ARHGEF11: variants seen among roughly 807,000 people sequenced by gnomAD.
ARHGEF11 encodes Rho guanine exchange factor (GEF) 11.
ARHGEF11 carries 55 observed loss-of-function variants against 193.7 expected under a neutral mutation model. The observed-to-expected ratio is 0.28, with a 90% CI of 0.23 to 0.36. The LOEUF (loss-of-function observed/expected upper bound fraction) is 0.36. Ranked by LOEUF, ARHGEF11 falls within the 10% of genes least tolerant of loss-of-function variation. The probability of loss-of-function intolerance (pLI) is 1.00; values close to 1 mark genes in which losing one functional copy is unlikely to be tolerated. For synonymous variants in ARHGEF11, 693 were observed against 768.0 expected (o/e 0.90, Z 1.62); for missense variants, 1,723 against 2,005.6 (o/e 0.86, Z 2.69).
intron 1 of ARHGEF11, 98 bp from the exon 2 acceptor site, chr1:156,986,271 A>G: frequency 3.9e-6 from 4 of 1,014,572 alleles, no homozygotes; most frequent in Non-Finnish European, 5.9e-6. Flanking sequence ...TGAGTCTTGG[A>G]TAATGAGAGA....
chr1:157,007,158 T>C (rs747203831), intron 1 of ARHGEF11, among the ~76,000 whole-genome samples: 1 of 151,794 alleles, frequency 6.6e-6, no homozygotes, highest in Admixed American at 6.6e-5. Flanking sequence ...ACAGGAGAGT[T>C]AGAGATAGAA....
chr1:156,968,616 T>C (rs1376654333), intron 10 of ARHGEF11, among the ~76,000 whole-genome samples: 1 of 152,224 alleles, frequency 6.6e-6, no homozygotes, highest in Non-Finnish European at 1.5e-5. Flanking sequence ...AAAATTCCAA[T>C]TGTGATCTAA....
chr1:156,969,715 C>G (rs1662250684), intron 9 of ARHGEF11, among the ~76,000 whole-genome samples: 1 of 152,206 alleles, frequency 6.6e-6, no homozygotes, highest in Non-Finnish European at 1.5e-5. Context: ...TGCTGAATTC[C>G]TTAGTGCCAG....
At chr1:156,984,236 T>C (rs1416126702) in intron 3 of ARHGEF11, 103 bp downstream of exon 3, 1 of 932,336 alleles carries the variant, frequency 1.1e-6, no homozygotes, top group Non-Finnish European at 1.6e-6. Context: ...TCTAGAGTAA[T>C]TCATTCATGC....
chr1:156,936,548 T>C (rs1471546431), intron 40 of ARHGEF11, among the ~76,000 whole-genome samples: 1 of 126,594 alleles, frequency 7.9e-6, no homozygotes, highest in African/African-American at 3.0e-5. Flanking sequence ...AGAACAAGTC[T>C]TAGAGGTGAG....
chr1:156,991,707 CTTATT>C lies in ARHGEF11; in HGVS notation c.33-5539_33-5535del, dbSNP rs1236476183. Among the ~76,000 whole-genome samples, 77 of 107,504 alleles carry C rather than the reference CTTATT, an allele frequency of 7.2e-4. 4 individuals carry two copies. The highest frequency in any genetic ancestry group is 2.6e-3 in the African/African-American group (72 of 27,206). 70.5% of individuals were successfully genotyped at this position (107,504 alleles called of 152,430 possible). A position where few individuals can be genotyped will look rare whatever the true frequency, so the allele number is the denominator to read the frequency against. ...ATTTTAGGGTTTTCTTTTTTTCAAG[CTTATT>C]TTTTTTTTTTTTTTTTTTTTTTGAG... is the stretch of plus-strand genomic sequence containing the variant. On this transcript the variant is annotated intron_variant, in intron 1 of 40. Coordinates refer to ENST00000368194, the MANE Select transcript of ARHGEF11 (RefSeq NM_198236.3).
chr1:156,946,877 ATGAG>A, intron 27 of ARHGEF11, 55 bp downstream of exon 27: 2 of 1,613,268 alleles, frequency 1.2e-6, no homozygotes, highest in Non-Finnish European at 1.7e-6. Context: ...GCCTTGGGTA[ATGAG>A]ACCCTGCCTC....
At chr1:157,027,320 G>A (rs369185783) in intron 1 of ARHGEF11, among the ~76,000 whole-genome samples, 15 of 152,272 alleles carry the variant, frequency 9.9e-5, no homozygotes, top group African/African-American at 3.4e-4. Context: ...AGGCTGCAGT[G>A]AGCCAAGATC....
chr1:156,954,742 G>A (rs1659695195), intron 21 of ARHGEF11, 150 bp downstream of exon 21: 2 of 750,652 alleles, frequency 2.7e-6, no homozygotes, highest in Admixed American at 2.7e-5. Flanking sequence ...GCAACAATGA[G>A]CAACGCATAA....
intron 1 of ARHGEF11, among the ~76,000 whole-genome samples, chr1:157,009,031 A>G (rs1668234528): frequency 6.6e-6 from 1 of 152,222 alleles, no homozygotes; most frequent in African/African-American, 2.4e-5. Context: ...AGATGCTGAT[A>G]AGGTCCATGG....
chr1:156,971,562 A>C lies in ARHGEF11; in HGVS notation c.702+135T>G, dbSNP rs1662486400. 2.5e-6 allele frequency: 3 copies of C among 1,192,540 alleles called. No homozygotes were observed. The Admixed American group carries it at 7.8e-5, about 31-fold the overall frequency. The allele number at this position is 1,192,540 out of a possible 1,614,324, so 73.9% of individuals were successfully genotyped here. On this transcript the variant is annotated intron_variant, in intron 8 of 40. Coordinates refer to ENST00000368194, the MANE Select transcript of ARHGEF11 (RefSeq NM_198236.3). ...TGGTGCTGACCTTGGTTTCTTTGTA[A>C]AATACTAAACACTTACTAGTTCAGC... is the stretch of plus-strand genomic sequence containing the variant.
chr1:156,981,784 A>G (rs932886580), intron 3 of ARHGEF11, among the ~76,000 whole-genome samples: 1 of 152,222 alleles, frequency 6.6e-6, no homozygotes, highest in Non-Finnish European at 1.5e-5. Context: ...CTCACAAGAT[A>G]GTTTTAAATG....
At chr1:157,042,568 C>T (rs1672893353) in intron 1 of ARHGEF11, among the ~76,000 whole-genome samples, 1 of 152,182 alleles carries the variant, frequency 6.6e-6, no homozygotes, top group African/African-American at 2.4e-5. Flanking sequence ...ATAATAACCT[C>T]TGATGCTTCT....
intron 1 of ARHGEF11, among the ~76,000 whole-genome samples, chr1:156,993,415 T>C (rs1412979833): frequency 6.6e-6 from 1 of 152,172 alleles, no homozygotes; most frequent in Non-Finnish European, 1.5e-5. Context: ...TATATATGTA[T>C]ATAAATACAT....
At chr1:156,974,733 G>A (rs929213280) in intron 7 of ARHGEF11, among the ~76,000 whole-genome samples, 3 of 152,240 alleles carry the variant, frequency 2.0e-5, no homozygotes, top group East Asian at 1.9e-4. Flanking sequence ...TGCATATTTC[G>A]GACACTCCAT....
chr1:157,004,283 C>T (rs1667558033), intron 1 of ARHGEF11, among the ~76,000 whole-genome samples: 1 of 152,194 alleles, frequency 6.6e-6, no homozygotes, highest in African/African-American at 2.4e-5. Flanking sequence ...CCTAATCGCT[C>T]CTTTTGAGCT....
At chr1:157,004,072 T>C (rs918001656) in intron 1 of ARHGEF11, among the ~76,000 whole-genome samples, 2 of 152,212 alleles carry the variant, frequency 1.3e-5, no homozygotes, top group Non-Finnish European at 2.9e-5. Flanking sequence ...ATCAAATCAC[T>C]GATGGAGAAA....
chr1:156,962,525 T>C (rs1243784895), intron 13 of ARHGEF11, among the ~76,000 whole-genome samples: 2 of 151,916 alleles, frequency 1.3e-5, no homozygotes, highest in Non-Finnish European at 2.9e-5. Context: ...CATCTGCAAG[T>C]TTTCTCACAG....
At position 156,946,028 on chromosome 1, in the gene ARHGEF11, C is replaced by T. The variant is rs1658045881; in HGVS notation, c.2812+17G>A. 22 of 1,596,334 alleles carry T rather than the reference C, an allele frequency of 1.4e-5. No individual in the cohort carries two copies. The highest frequency in any genetic ancestry group is 1.5e-5 in the Non-Finnish European group (18 of 1,165,518). ...GAGGCCCACTGCCTGTGATGCCAGC[C>T]CCTCCCCAGGTGCTACCCTCTGTGT... On this transcript the variant is annotated intron_variant, in intron 29 of 40. Coordinates refer to ENST00000368194, the MANE Select transcript of ARHGEF11 (RefSeq NM_198236.3).
Sources: gnomAD v4.1 joint callset for allele counts (sites outside exome capture counted in the v4.1 genomes callset) on GRCh38, gnomAD v4.1.1 for gene constraint, MANE v1.5 for transcripts, NCBI Gene and HGNC (gene_info 2026-07-23, HGNC 2026-07-21) for gene names.